Variants in BRIP1 observed in about 807,000 individuals in gnomAD.
BRIP1 encodes the protein Fanconi anemia group J protein.
A neutral mutation model predicts 119.7 loss-of-function variants in BRIP1; 88 were observed. The ratio of observed to expected loss-of-function variants is 0.74; its 90% CI spans 0.62 to 0.88. The LOEUF is 0.88. BRIP1 is among the 40% of genes least tolerant of loss of function. The pLI is 0.00. For synonymous variants in BRIP1, 443 were observed against 496.5 expected (o/e 0.89, Z 1.43); for missense variants, 1,259 against 1,455.4 (o/e 0.87, Z 2.20).
At position 61,861,316 on chromosome 17, in the gene BRIP1, T is replaced by C. The variant is rs986585109; in HGVS notation, c.93+131A>G. Reference sequence around the variant, plus strand: ...AATCAGTAGTTTCCCAGAGGTTAGATATTCTTCCAAGTGAACCCAGAAAAT... The same window carrying C: ...AATCAGTAGTTTCCCAGAGGTTAGACATTCTTCCAAGTGAACCCAGAAAAT... On this transcript the variant is annotated intron_variant, in intron 2 of 19. Transcript: ENST00000259008. The surrounding 1 kb of genome is among the most constrained non-coding windows in gnomAD (Gnocchi z 4.5). 8.4e-6 allele frequency: 6 copies of C among 715,238 alleles called. No homozygotes were observed. The highest frequency in any genetic ancestry group is 1.5e-5 in the South Asian group (1 of 64,896). 44.3% of individuals were successfully genotyped at this position (715,238 alleles called of 1,614,324 possible).
At chr17:61,840,326 C>T (rs926073582) in intron 6 of BRIP1, among the ~76,000 whole-genome samples, 6 of 135,196 alleles carry the variant, frequency 4.4e-5, no homozygotes, top group African/African-American at 1.7e-4. Flanking sequence ...CACTGCACTC[C>T]ATCCTGGGTG....
At chr17:61,783,323 C>T (rs751024398) in intron 11 of BRIP1, among the ~76,000 whole-genome samples, 2 of 152,022 alleles carry the variant, frequency 1.3e-5, no homozygotes, top group Admixed American at 6.6e-5. Flanking sequence ...ATTGTATGAT[C>T]GCTCTTATGT....
rs1214094982 is a variant in BRIP1 at position 61,832,889 on chromosome 17, T to C, written c.627+14212A>G. 2.6e-5 allele frequency among the ~76,000 whole-genome samples: 4 copies of C among 152,312 alleles called. No individual in the cohort carries two copies. The highest frequency in any genetic ancestry group is 1.9e-4 in the East Asian group (1 of 5,188). On this transcript the variant is annotated intron_variant, in intron 6 of 19. Transcript: ENST00000259008. The surrounding 1 kb of genome is among the most constrained non-coding windows in gnomAD (Gnocchi z 5.5). ...TAAGAATGTCTTTGCTTATAAGACATAGACACTAAAGTATTTCAGGGTGAG... is the reference window on the plus strand; with the variant it reads ...TAAGAATGTCTTTGCTTATAAGACACAGACACTAAAGTATTTCAGGGTGAG...
intron 16 of BRIP1, among the ~76,000 whole-genome samples, chr17:61,718,290 G>T (rs2061914288): frequency 6.6e-6 from 1 of 152,196 alleles, no homozygotes; most frequent in South Asian, 2.1e-4. Context: ...TGGCAGCTTT[G>T]TTAGGGAAAG....
In BRIP1 at chr17:61,793,715, T is replaced by C. The variant is rs1603340413; in HGVS notation, c.1355A>G (p.Asn452Ser). The C allele has an allele frequency of 6.2e-7, 1 of 1,610,624 alleles. No homozygotes were observed. The highest frequency in any genetic ancestry group is 8.5e-7 in the Non-Finnish European group (1 of 1,178,774). The change falls in exon 10 of 20, where the codon AAC becomes AGC. Residue 452 changes from asparagine (N) to serine (S), a missense_variant. By Grantham distance (46) the Asn-to-Ser change is conservative. Transcript: ENST00000259008. The surrounding 1 kb of genome is among the most constrained non-coding windows in gnomAD (Gnocchi z 5.2). ...ATCTCTTTCTACAAGATATTCAGCGTTTGCTTCTAACCAACTGAAATAAAA... is the reference window on the plus strand; with the variant it reads ...ATCTCTTTCTACAAGATATTCAGCGCTTGCTTCTAACCAACTGAAATAAAA... ...CCSLINWLEANAEYLVERDYE... is the reference protein window; with the variant it reads ...CCSLINWLEASAEYLVERDYE...
rs941977609 is a variant in BRIP1 at position 61,852,510 on chromosome 17, A to C, written c.380-3254T>G. Among the ~76,000 whole-genome samples the C allele has an allele frequency of 2.6e-5, 4 of 152,112 alleles. No homozygotes were observed. Among genetic ancestry groups the C allele is most frequent in the African/African-American group, 9.7e-5 (4 of 41,412 alleles). On this transcript the variant is annotated intron_variant, in intron 4 of 19. Coordinates refer to ENST00000259008, the MANE Select transcript of BRIP1 (RefSeq NM_032043.3). The surrounding 1 kb of genome is among the most constrained non-coding windows in gnomAD (Gnocchi z 4.9). ...TGGTGAAACCCCATTTCTACTAAAA[A>C]TACAAAAATCAGCCGGGCGTGGTGG...
rs1313127995 is a variant in BRIP1 at position 61,734,371 on chromosome 17, T to C, written c.2379+8642A>G. Among the ~76,000 whole-genome samples the C allele has an allele frequency of 6.6e-6, 1 of 152,242 alleles. No homozygotes were observed. The highest frequency in any genetic ancestry group is 1.5e-5 in the Non-Finnish European group (1 of 68,030). ...TCATTCTCATGCCCCTCAAATGCTT[T>C]GGTTTAGTGCACAGAAAGTTTTCTT... On this transcript the variant is annotated intron_variant, in intron 16 of 19. Coordinates refer to ENST00000259008, the MANE Select transcript of BRIP1 (RefSeq NM_032043.3). The surrounding 1 kb of genome is among the most constrained non-coding windows in gnomAD (Gnocchi z 5.2).
intron 6 of BRIP1, among the ~76,000 whole-genome samples, chr17:61,835,600 T>C (rs183946667): frequency 2.6e-5 from 4 of 151,788 alleles, no homozygotes; most frequent in South Asian, 4.2e-4. Context: ...CTTCAGATAG[T>C]GGGAATTGGT....
At position 61,843,373 on chromosome 17, in the gene BRIP1, AACACAC is replaced by A. The variant is rs758273323; in HGVS notation, c.627+3722_627+3727del. On this transcript the variant is annotated intron_variant, in intron 6 of 19. Coordinates refer to ENST00000259008, the MANE Select transcript of BRIP1 (RefSeq NM_032043.3). The surrounding 1 kb of genome is among the most constrained non-coding windows in gnomAD (Gnocchi z 5.7). Reference sequence around the variant, plus strand: ...GGCTTTAAAATTTTCAGGTGTTCTCAACACACACACACACACAAAAGGTAACTATGT... The same window carrying A: ...GGCTTTAAAATTTTCAGGTGTTCTCAACACACACACAAAAGGTAACTATGT... Among the ~76,000 whole-genome samples, 1 of 151,288 alleles carries A rather than the reference AACACAC, an allele frequency of 6.6e-6. No homozygotes were observed. The highest frequency in any genetic ancestry group is 2.4e-5 in the African/African-American group (1 of 41,238).
rs1468652183 is a variant in BRIP1, at chr17:61,689,406, A to G, written c.2576-3241T>C. The stretch of plus-strand genomic sequence containing the variant: ...AATGGAAAAAAAAAAGTGAAGGCTT[A>G]TGGCTTCATTTATGACTTGACTTAT... On this transcript the variant is annotated intron_variant, in intron 18 of 19. Coordinates refer to ENST00000259008, the MANE Select transcript of BRIP1 (RefSeq NM_032043.3). This position sits in a 1 kb window ranked among gnomAD's most constrained non-coding sequence, Gnocchi z 4.5. Among the ~76,000 whole-genome samples the G allele has an allele frequency of 6.6e-6, 1 of 152,188 alleles. No individual in the cohort carries two copies. The highest frequency in any genetic ancestry group is 1.5e-5 in the Non-Finnish European group (1 of 68,040).
In BRIP1 at chr17:61,798,839, C is replaced by T. The variant is rs546143404; in HGVS notation, c.1340+261G>A. 2.6e-5 allele frequency among the ~76,000 whole-genome samples: 4 copies of T among 152,074 alleles called. No homozygotes were observed. The East Asian group carries it at 7.7e-4, about 29-fold the overall frequency. ...GGTTCAATATCCTAGACACATCCTTCGGGGCTATTATGTTATCCTGCCAAA... is the reference window on the plus strand; with the variant it reads ...GGTTCAATATCCTAGACACATCCTTTGGGGCTATTATGTTATCCTGCCAAA... On this transcript the variant is annotated intron_variant, in intron 9 of 19. Transcript: ENST00000259008. The surrounding 1 kb of genome is among the most constrained non-coding windows in gnomAD (Gnocchi z 5.5).
In BRIP1 at chr17:61,734,589, A is replaced by G. The variant is rs2076893096; in HGVS notation, c.2379+8424T>C. On this transcript the variant is annotated intron_variant, in intron 16 of 19. Transcript: ENST00000259008. This position sits in a 1 kb window ranked among gnomAD's most constrained non-coding sequence, Gnocchi z 5.2. The stretch of plus-strand genomic sequence containing the variant: ...TGTGCAATAAATTATGACTTGAACT[A>G]AACAAGTCACACTTGGCTCCAAAAT... 2.6e-5 allele frequency among the ~76,000 whole-genome samples: 4 copies of G among 152,134 alleles called. No homozygotes were observed. Among genetic ancestry groups the G allele is most frequent in the African/African-American group, 7.2e-5 (3 of 41,426 alleles).
At chr17:61,772,820 G>GAAAAAAAAAAAAAAAAA (rs71355193) in intron 14 of BRIP1, among the ~76,000 whole-genome samples, 2 of 53,540 alleles carry the variant, frequency 3.7e-5, no homozygotes, top group African/African-American at 8.1e-5. Flanking sequence ...TTCCATCTCA[G>GAAAAAAAAAAAAAAAAA]AAAAAAAAAA....
chr17:61,749,746 A>C (rs964047313), intron 14 of BRIP1, among the ~76,000 whole-genome samples: 5 of 152,214 alleles, frequency 3.3e-5, no homozygotes, highest in African/African-American at 1.2e-4. Context: ...GTTTCAATAT[A>C]CAAGTCTTTT....
chr17:61,702,710 A>G (rs977447720), intron 17 of BRIP1, among the ~76,000 whole-genome samples: 12 of 152,194 alleles, frequency 7.9e-5, no homozygotes, highest in African/African-American at 2.7e-4. Flanking sequence ...TCTACTATCA[A>G]TAGGCATTTA....
rs1317145656 is a variant in BRIP1, at chr17:61,726,374, A to G, written c.2380-10311T>C. ...TACTTACCCCATATTTCTGAAACCC[A>G]GTGTAGGTTTCAGTGGACTTTAAAT... On this transcript the variant is annotated intron_variant, in intron 16 of 19. Coordinates refer to ENST00000259008, the MANE Select transcript of BRIP1 (RefSeq NM_032043.3). The surrounding 1 kb of genome is among the most constrained non-coding windows in gnomAD (Gnocchi z 6.2). Among the ~76,000 whole-genome samples, 1 of 152,224 alleles carries G rather than the reference A, an allele frequency of 6.6e-6. No individual in the cohort carries two copies. The highest frequency in any genetic ancestry group is 1.5e-5 in the Non-Finnish European group (1 of 68,032).
intron 10 of BRIP1, among the ~76,000 whole-genome samples, chr17:61,788,922 C>T (rs900578681): frequency 6.6e-6 from 1 of 151,932 alleles, no homozygotes; most frequent in South Asian, 2.1e-4. Flanking sequence ...GACAAAAGCC[C>T]GTCTCTACAA....
rs2144087482 is a variant in BRIP1, at chr17:61,683,926, C to T, written c.3120G>A (p.Lys1040=). The stretch of plus-strand genomic sequence containing the variant: ...AGGGCAAAACAGTTTTACTTTCCAT[C>T]TTCTCTGTTTTGAAACGGGGAGGAC... ...ASSPPRFKTE[K]MESKTVLPFT... Residue 1040 remains lysine (K), a synonymous_variant, in exon 20 of 20, where the codon AAG becomes AAA. Transcript: ENST00000259008. This position sits in a 1 kb window ranked among gnomAD's most constrained non-coding sequence, Gnocchi z 4.7. 1 of 1,614,176 alleles carries T rather than the reference C, an allele frequency of 6.2e-7. No individual in the cohort carries two copies. The highest frequency in any genetic ancestry group is 8.5e-7 in the Non-Finnish European group (1 of 1,180,030).
rs1056301378 is a variant in BRIP1, at chr17:61,851,055, C to G, written c.380-1799G>C. On this transcript the variant is annotated intron_variant, in intron 4 of 19. Coordinates refer to ENST00000259008, the MANE Select transcript of BRIP1 (RefSeq NM_032043.3). This position sits in a 1 kb window ranked among gnomAD's most constrained non-coding sequence, Gnocchi z 4.6. ...CCAGCCTGGCCAACGTGACGAAAGC[C>G]CATCTCTACTAAAAATACAAAAATT... Among the ~76,000 whole-genome samples the G allele has an allele frequency of 2.6e-5, 4 of 151,664 alleles. No individual in the cohort carries two copies. Among genetic ancestry groups the G allele is most frequent in the Non-Finnish European group, 5.9e-5 (4 of 67,952 alleles).
Sources: allele counts gnomAD v4.1 joint callset (sites outside exome capture counted in the v4.1 genomes callset), GRCh38; gene constraint gnomAD v4.1.1; non-coding constraint Gnocchi (gnomAD v3.1); transcripts MANE v1.5; gene names NCBI Gene and HGNC (gene_info 2026-07-23, HGNC 2026-07-21).